ANO4: variants seen among roughly 807,000 people sequenced by gnomAD.
ANO4 encodes the protein anoctamin-4.
A neutral mutation model predicts 141.9 loss-of-function variants in ANO4; 69 were observed. The observed-to-expected ratio is 0.49, with a 90% confidence interval of 0.40 to 0.59. The LOEUF is 0.59. Among genes scored for constraint, ANO4 ranks in the 20% least tolerant of loss-of-function variants. The pLI, the probability that ANO4 is intolerant of heterozygous loss-of-function variation, is 0.00. For missense variants in ANO4, 894 were observed against 1,162.2 expected (o/e 0.77, Z 3.36); for synonymous variants, 350 against 394.3 (o/e 0.89, Z 1.33).
intron 14 of ANO4, among the ~76,000 whole-genome samples, chr12:101,075,636 A>AATAC (rs1555295173): frequency 6.7e-6 from 1 of 149,072 alleles, no homozygotes; most frequent in East Asian, 2.0e-4. Flanking sequence ...GTATAAGAGA[A>AATAC]ATATATATAT....
intron 8 of ANO4, among the ~76,000 whole-genome samples, chr12:100,996,958 G>A (rs918484324): frequency 6.6e-6 from 1 of 152,184 alleles, no homozygotes; most frequent in African/African-American, 2.4e-5. Flanking sequence ...GTCTGTGAGG[G>A]TAAGGGTAGA....
rs2050261686 is a variant in ANO4, at chr12:101,103,179, CATTTTATATATATATATATATATATATAT to C, written c.2149+3462_2149+3490del. ...ATAACTTTACATTTTCCTTTTTAGT[CATTTTATATATATATATATATATATATAT>C]ATATATATATATATATATATATCTT... On this transcript the variant is annotated intron_variant, in intron 22 of 27. Transcript: ENST00000392977. Among the ~76,000 whole-genome samples, 3 of 70,274 alleles carry C rather than the reference CATTTTATATATATATATATATATATATAT, an allele frequency of 4.3e-5. 1 individual carries two copies. The highest frequency in any genetic ancestry group is 6.8e-5 in the African/African-American group (1 of 14,810). 46.1% of individuals were successfully genotyped at this position (70,274 alleles called of 152,430 possible). A position where few individuals can be genotyped will look rare whatever the true frequency, so the allele number is the denominator to read the frequency against.
chr12:100,931,753 A>G (rs1422125811), intron 3 of ANO4, among the ~76,000 whole-genome samples: 1 of 152,164 alleles, frequency 6.6e-6, no homozygotes, highest in Non-Finnish European at 1.5e-5. Context: ...GGTAATCAGA[A>G]TAAGAAAAAA....
intron 8 of ANO4, among the ~76,000 whole-genome samples, chr12:101,018,538 A>G (rs762297261): frequency 1.3e-5 from 2 of 152,050 alleles, no homozygotes; most frequent in Non-Finnish European, 2.9e-5. Flanking sequence ...CTGTTTCCAA[A>G]CCAAACCCCA....
At chr12:100,861,573 A>G (rs1168163073) in intron 1 of ANO4, among the ~76,000 whole-genome samples, 1 of 152,218 alleles carries the variant, frequency 6.6e-6, no homozygotes, top group Non-Finnish European at 1.5e-5. Flanking sequence ...GTTTGTGAGT[A>G]GTAAATGAAT....
chr12:101,042,463 A>G lies in ANO4; in HGVS notation c.1149A>G (p.Gln383=). Residue 383 remains glutamine (Q), a synonymous_variant, in exon 12 of 28, where the codon CAA becomes CAG. Transcript: ENST00000392977. Reference sequence around the variant, plus strand: ...GCGTCACCACTCTGGATCACAGCCAAGTCAGGTACGGGGAGCTCTTGGATG... The same window carrying G: ...GCGTCACCACTCTGGATCACAGCCAGGTCAGGTACGGGGAGCTCTTGGATG... ...LYGVTTLDHS[Q]VSKEVCQATD... 6.2e-7 allele frequency: 1 copy of G among 1,614,104 alleles called. No individual in the cohort carries two copies. Among genetic ancestry groups the G allele is most frequent in the South Asian group, 1.1e-5 (1 of 91,086 alleles).
chr12:100,797,407 T>G (rs889802661), intron 1 of ANO4, among the ~76,000 whole-genome samples: 7 of 152,198 alleles, frequency 4.6e-5, no homozygotes, highest in African/African-American at 1.7e-4. Flanking sequence ...GGTGTCATGT[T>G]AATTCCTTTG....
At chr12:100,977,110 G>A (rs2044231621) in intron 7 of ANO4, among the ~76,000 whole-genome samples, 1 of 152,076 alleles carries the variant, frequency 6.6e-6, no homozygotes, top group Non-Finnish European at 1.5e-5. Flanking sequence ...CTAGTATGTA[G>A]CTGATGTGCA....
rs1425121326 is a variant in ANO4, at chr12:100,922,293, T to C, written c.123T>C (p.Asp41=). The change falls in exon 3 of 28, where the codon GAT becomes GAC. Residue 41 remains aspartate, a synonymous_variant. Transcript: ENST00000392977. ...MQILPDGPKS[D]VDFSEILNAI... is the part of the protein sequence containing the mutation. Reference sequence around the variant, plus strand: ...TACTACCTGACGGGCCAAAGAGTGATGTGGACTTTTCAGAGATTCTTAATG... The same window carrying C: ...TACTACCTGACGGGCCAAAGAGTGACGTGGACTTTTCAGAGATTCTTAATG... 1 of 1,532,692 alleles carries C rather than the reference T, an allele frequency of 6.5e-7. No homozygotes were observed. Among genetic ancestry groups the C allele is most frequent in the Non-Finnish European group, 8.7e-7 (1 of 1,145,858 alleles). 94.9% of individuals were successfully genotyped at this position (1,532,692 alleles called of 1,614,324 possible). A position where few individuals can be genotyped will look rare whatever the true frequency, so the allele number is the denominator to read the frequency against.
chr12:100,806,818 A>G (rs989612215), intron 1 of ANO4, among the ~76,000 whole-genome samples: 1 of 151,806 alleles, frequency 6.6e-6, no homozygotes, highest in African/African-American at 2.4e-5. Flanking sequence ...CTGGGATTAC[A>G]GGTGTAAGCC....
chr12:101,093,831 T>C (rs1304608777), intron 17 of ANO4, among the ~76,000 whole-genome samples: 2 of 152,014 alleles, frequency 1.3e-5, no homozygotes, highest in African/African-American at 4.8e-5. Context: ...TAATCTAGAG[T>C]TTACAGCAGT....
rs868477602 is a variant in ANO4 at position 100,911,333 on chromosome 12, T to C, written c.55+9493T>C. ...TCTCTTATTTAATGTGCTATTACTT[T>C]CTTCTTCACACAACTTGGCAGAAAC... On this transcript the variant is annotated intron_variant, in intron 2 of 27. Coordinates refer to ENST00000392977, the MANE Select transcript of ANO4 (RefSeq NM_001286615.2). 8.5e-5 allele frequency among the ~76,000 whole-genome samples: 13 copies of C among 152,324 alleles called. No homozygotes were observed. In the South Asian group the frequency reaches 2.7e-3, roughly 32 times the overall value.
At chr12:100,980,064 A>G (rs2044389019) in intron 7 of ANO4, among the ~76,000 whole-genome samples, 1 of 152,070 alleles carries the variant, frequency 6.6e-6, no homozygotes, top group South Asian at 2.1e-4. Context: ...TCTAAAGCTG[A>G]AGGAATGGCT....
At chr12:100,963,095 C>T (rs937619523) in intron 5 of ANO4, among the ~76,000 whole-genome samples, 11 of 152,164 alleles carry the variant, frequency 7.2e-5, no homozygotes, top group Non-Finnish European at 1.5e-4. Context: ...GCCAGTGAAG[C>T]AGATCCATTA....
intron 5 of ANO4, among the ~76,000 whole-genome samples, chr12:100,953,011 C>G (rs909649259): frequency 7.9e-5 from 12 of 152,284 alleles, no homozygotes; most frequent in African/African-American, 2.4e-4. Flanking sequence ...AGCTGAAAAA[C>G]TCAAGTCATT....
At chr12:100,991,252 G>C (rs1335328331) in intron 8 of ANO4, among the ~76,000 whole-genome samples, 1 of 152,152 alleles carries the variant, frequency 6.6e-6, no homozygotes, top group African/African-American at 2.4e-5. Context: ...GGAAACAATT[G>C]TTGGGTACAA....
chr12:100,987,700 A>G (rs1397094921), intron 8 of ANO4, 30 bp downstream of exon 8: 1 of 1,611,002 alleles, frequency 6.2e-7, no homozygotes, highest in East Asian at 2.2e-5. Context: ...GCCCCATCTC[A>G]CTAAGGATGT....
chr12:101,015,192 A>G (rs1329415353), intron 8 of ANO4, among the ~76,000 whole-genome samples: 3 of 152,168 alleles, frequency 2.0e-5, no homozygotes, highest in Admixed American at 6.5e-5. Flanking sequence ...AGTATGTACA[A>G]TGAAGTTTTC....
At chr12:100,842,042 A>C (rs2037277822) in intron 1 of ANO4, 1 of 139,026 alleles carries the variant, frequency 7.2e-6, no homozygotes, top group Admixed American at 7.7e-5. Flanking sequence ...GACAAATGCC[A>C]AACTACTGGT....
Sources: gnomAD v4.1 joint callset for allele counts (sites outside exome capture counted in the v4.1 genomes callset) on GRCh38, gnomAD v4.1.1 for gene constraint, MANE v1.5 for transcripts, NCBI Gene and HGNC (gene_info 2026-07-23, HGNC 2026-07-21) for gene names.